ANK3: variants seen among roughly 807,000 people sequenced by gnomAD.
ANK3 encodes the protein ankyrin-3.
ANK3 carries 57 observed loss-of-function variants against 370.9 expected under a neutral mutation model. That is an observed-to-expected ratio of 0.15 (90% CI 0.12 to 0.19). ANK3 has a LOEUF of 0.19. ANK3 is among the 10% of genes least tolerant of loss of function. The probability of loss-of-function intolerance (pLI) is 1.00; values close to 1 mark genes in which losing one functional copy is unlikely to be tolerated. For missense variants in ANK3, 4,439 were observed against 5,302.1 expected, an observed-to-expected ratio of 0.84 and a Z score of 5.06; for synonymous variants, 1,929 against 1,946.3, an observed-to-expected ratio of 0.99 and a Z score of 0.23.
At chr10:60,050,605 A>C (rs1233083022) in intron 42 of ANK3, 2 of 152,232 alleles carry the variant, frequency 1.3e-5, no homozygotes, top group Admixed American at 6.5e-5. Context: ...AAGTCTGCGC[A>C]TTGAAAATGG....
chr10:60,352,902 G>C (rs2057113773), intron 1 of ANK3, among the ~76,000 whole-genome samples: 1 of 152,078 alleles, frequency 6.6e-6, no homozygotes. Flanking sequence ...TCTTAGGAGA[G>C]GGAGGGAAAA....
intron 2 of ANK3, among the ~76,000 whole-genome samples, chr10:60,554,015 G>T (rs770597141): frequency 6.6e-6 from 1 of 152,058 alleles, no homozygotes; most frequent in Non-Finnish European, 1.5e-5. Context: ...TAGATTTCTG[G>T]CTTTTCTTAA....
Position 60,073,630 on chromosome 10 carries a change from G to A in ANK3, c.7251C>T (p.Ser2417=). Residue 2417 remains serine (S), a synonymous_variant, in exon 37 of 44, where the codon TCC becomes TCT. Coordinates refer to ENST00000280772, the MANE Select transcript of ANK3 (RefSeq NM_020987.5). ...LESSRVNTPV[S]QEEDSRPSSA... is the part of the protein sequence containing the mutation. ...AACTAGGGCGGCTATCTTCTTCTTG[G>A]GACACAGGAGTGTTTACTCTGGAAG... 1 of 1,613,758 alleles carries A rather than the reference G, an allele frequency of 6.2e-7. No individual in the cohort carries two copies.
chr10:60,301,323 C>G (rs534493684), intron 1 of ANK3, among the ~76,000 whole-genome samples: 5 of 145,634 alleles, frequency 3.4e-5, no homozygotes, highest in Non-Finnish European at 4.5e-5. Flanking sequence ...CATACACACA[C>G]GTGTGTATAT....
chr10:60,430,911 G>A (rs1432884317), intron 2 of ANK3, among the ~76,000 whole-genome samples: 1 of 152,122 alleles, frequency 6.6e-6, no homozygotes, highest in East Asian at 1.9e-4. Context: ...CTATAACACA[G>A]GGAAAGAAAT....
At chr10:60,250,438 C>T (rs1387774258) in intron 7 of ANK3, among the ~76,000 whole-genome samples, 1 of 152,196 alleles carries the variant, frequency 6.6e-6, no homozygotes, top group East Asian at 1.9e-4. Context: ...AATCTCGGCT[C>T]ACTGCAAGCT....
Position 60,070,410 on chromosome 10 carries a change from G to T in ANK3, c.10471C>A (p.Pro3491Thr). The stretch of plus-strand genomic sequence containing the variant: ...CCTGACTTCTGATCAGTCTTATCAG[G>T]AGTCTTTTCAGATGAAGAACTTTTA... ...PSKSSSSEKT[P>T]DKTDQKSGAQ... Residue 3491 changes from proline to threonine, a missense_variant, in exon 37 of 44, where the codon CCT (proline) becomes ACT (threonine). Transcript: ENST00000280772. The surrounding 1 kb of genome is among the most constrained non-coding windows in gnomAD (Gnocchi z 5.7). 2 of 1,614,070 alleles carry T rather than the reference G, an allele frequency of 1.2e-6. No individual in the cohort carries two copies. The highest frequency in any genetic ancestry group is 1.1e-5 in the South Asian group (1 of 91,068).
chr10:60,403,380 C>CA (rs1193687469), intron 2 of ANK3, among the ~76,000 whole-genome samples: 1 of 152,094 alleles, frequency 6.6e-6, no homozygotes, highest in African/African-American at 2.4e-5. Context: ...ACCTAGTAAG[C>CA]AAATTACAGA....
At chr10:60,191,166 T>C (rs1215539448) in intron 16 of ANK3, among the ~76,000 whole-genome samples, 1 of 152,132 alleles carries the variant, frequency 6.6e-6, no homozygotes, top group African/African-American at 2.4e-5. Context: ...CTTTTGGGCA[T>C]TGAACTAGGG....
At chr10:60,539,203 C>A (rs978968249) in intron 2 of ANK3, among the ~76,000 whole-genome samples, 2 of 151,844 alleles carry the variant, frequency 1.3e-5, no homozygotes, top group African/African-American at 4.8e-5. Flanking sequence ...AAATAGAAAT[C>A]TATGAAAATA....
In ANK3 at chr10:60,265,401, C is replaced by A. The variant is rs116167375; in HGVS notation, c.514-1381G>T. Reference sequence around the variant, plus strand: ...ATTTTGACTCTCCCCTTTGTGTTGCCCTGGGACTTGATAAAGGGGACACAG... The same window carrying A: ...ATTTTGACTCTCCCCTTTGTGTTGCACTGGGACTTGATAAAGGGGACACAG... On this transcript the variant is annotated intron_variant, in intron 5 of 43. Transcript: ENST00000280772. Among the ~76,000 whole-genome samples, 1,350 of 152,032 alleles carry A rather than the reference C, an allele frequency of 8.9e-3. 23 individuals carry two copies. The highest frequency in any genetic ancestry group is 0.031 in the African/African-American group (1,298 of 41,442).
chr10:60,700,429 G>A lies in ANK3; in HGVS notation c.57+32834C>T, dbSNP rs1335535342. 2.0e-5 allele frequency among the ~76,000 whole-genome samples: 3 copies of A among 152,030 alleles called. No individual in the cohort carries two copies. The East Asian group carries it at 5.8e-4, about 29-fold the overall frequency. On this transcript the variant is annotated intron_variant, in intron 1 of 43. Transcript: ENST00000373827. ...AATTTTTTTAAGTTTTTATTAATTTGTAGCAACCCCTGAAAAAATTTCCCC... is the reference window on the plus strand; with the variant it reads ...AATTTTTTTAAGTTTTTATTAATTTATAGCAACCCCTGAAAAAATTTCCCC...
chr10:60,036,045 A>G (rs1054381434), intron 43 of ANK3, among the ~76,000 whole-genome samples: 1 of 152,144 alleles, frequency 6.6e-6, no homozygotes, highest in Non-Finnish European at 1.5e-5. Context: ...ACCTGTCATT[A>G]ACTGCACTCA....
At chr10:60,271,500 C>T (rs1294425487) in intron 4 of ANK3, among the ~76,000 whole-genome samples, 2 of 152,070 alleles carry the variant, frequency 1.3e-5, no homozygotes, top group Admixed American at 6.5e-5. Context: ...GCCACTGCAC[C>T]GAGCCAGTAA....
intron 40 of ANK3, among the ~76,000 whole-genome samples, chr10:60,061,557 C>G (rs959468052): frequency 1.3e-5 from 2 of 152,036 alleles, no homozygotes; most frequent in African/African-American, 4.8e-5. Flanking sequence ...CTATATTTAT[C>G]TAGTGCAAAA....
chr10:60,094,976 A>G (rs935091131), intron 28 of ANK3, among the ~76,000 whole-genome samples: 1 of 152,230 alleles, frequency 6.6e-6, no homozygotes, highest in Non-Finnish European at 1.5e-5. Flanking sequence ...AGTGCTGGAA[A>G]ATAGAGAACG....
intron 1 of ANK3, among the ~76,000 whole-genome samples, chr10:60,351,962 A>G (rs1228500724): frequency 6.6e-6 from 1 of 152,192 alleles, no homozygotes; most frequent in African/African-American, 2.4e-5. Context: ...TAAGTGCACA[A>G]TGGAAATTTA....
chr10:60,387,398 G>A (rs957309186), intron 1 of ANK3, among the ~76,000 whole-genome samples: 4 of 152,212 alleles, frequency 2.6e-5, no homozygotes, highest in Admixed American at 1.3e-4. Context: ...GCCACTGAAG[G>A]AAATCTAGAG....
At chr10:60,468,973 C>CTATA (rs1193671128) in intron 2 of ANK3, among the ~76,000 whole-genome samples, 4 of 47,400 alleles carry the variant, frequency 8.4e-5, no homozygotes, top group African/African-American at 3.4e-4. Flanking sequence ...TATAGGACCA[C>CTATA]TATATATATA....
Sources: allele counts gnomAD v4.1 joint callset (sites outside exome capture counted in the v4.1 genomes callset), GRCh38; gene constraint gnomAD v4.1.1; non-coding constraint Gnocchi (gnomAD v3.1); transcripts MANE v1.5; gene names NCBI Gene and HGNC (gene_info 2026-07-23, HGNC 2026-07-21).